The following TAFA2 variants were observed in gnomAD, a reference collection of about 807,000 sequenced individuals.
TAFA2 encodes the protein TAFA chemokine like family member 2.
TAFA2 carries 7 observed loss-of-function variants against 18.8 expected under a neutral mutation model. That is an observed-to-expected ratio of 0.37 (90% CI 0.21 to 0.70). The LOEUF (loss-of-function observed/expected upper bound fraction) is 0.70, where lower values mean the gene tolerates loss of function less well. TAFA2 is among the 30% of genes least tolerant of loss of function. The pLI is 0.53. For synonymous variants in TAFA2, 60 were observed against 54.2 expected (o/e 1.11, Z -0.47); for missense variants, 122 against 158.1 (o/e 0.77, Z 1.23).
chr12:61,944,404 C>T (rs1878174418), intron 1 of TAFA2, among the ~76,000 whole-genome samples: 1 of 137,762 alleles, frequency 7.3e-6, no homozygotes, highest in Admixed American at 7.2e-5. Context: ...ACTAGAAAAG[C>T]AAGAGCAAAC....
At chr12:62,079,024 C>T (rs1183756144) in intron 1 of TAFA2, among the ~76,000 whole-genome samples, 1 of 152,206 alleles carries the variant, frequency 6.6e-6, no homozygotes, top group Non-Finnish European at 1.5e-5. Context: ...AATTCTTTAG[C>T]TTCCAACTAC....
intron 1 of TAFA2, among the ~76,000 whole-genome samples, chr12:62,254,091 T>A (rs1380085656): frequency 6.6e-6 from 1 of 152,206 alleles, no homozygotes; most frequent in African/African-American, 2.4e-5. Flanking sequence ...GTTTCTTTGA[T>A]ATGGGTCACT....
At chr12:61,804,286 CATT>C (rs1374966353) in intron 2 of TAFA2, among the ~76,000 whole-genome samples, 1 of 151,950 alleles carries the variant, frequency 6.6e-6, no homozygotes. Context: ...CTGTTGTTAA[CATT>C]ATTATGTCTA....
chr12:62,190,894 T>G (rs2062618357), intron 1 of TAFA2, among the ~76,000 whole-genome samples: 1 of 152,128 alleles, frequency 6.6e-6, no homozygotes, highest in African/African-American at 2.4e-5. Flanking sequence ...CCAGCCAGGA[T>G]GGGTCTGGGT....
intron 2 of TAFA2, among the ~76,000 whole-genome samples, chr12:61,761,169 C>A (rs1191745116): frequency 6.6e-6 from 1 of 151,926 alleles, no homozygotes; most frequent in Non-Finnish European, 1.5e-5. Context: ...GCTATTATGA[C>A]TGGTATATTT....
At chr12:61,856,421 A>T (rs1159324656) in intron 2 of TAFA2, among the ~76,000 whole-genome samples, 1 of 152,062 alleles carries the variant, frequency 6.6e-6, no homozygotes, top group African/African-American at 2.4e-5. Context: ...CATCTTTAGT[A>T]ATAAAAAATC....
At chr12:62,143,706 A>T (rs2062256655) in intron 1 of TAFA2, among the ~76,000 whole-genome samples, 1 of 152,038 alleles carries the variant, frequency 6.6e-6, no homozygotes, top group Admixed American at 6.6e-5. Flanking sequence ...TCTCTTCTTG[A>T]TGTCATCTTT....
At chr12:62,161,945 A>G (rs1459353744) in intron 1 of TAFA2, among the ~76,000 whole-genome samples, 8 of 152,194 alleles carry the variant, frequency 5.3e-5, no homozygotes, top group Non-Finnish European at 1.0e-4. Flanking sequence ...AGCCTATGGT[A>G]AAATTGATTT....
chr12:61,821,566 G>A lies in TAFA2; in HGVS notation c.106+45754C>T, dbSNP rs926752621. Among the ~76,000 whole-genome samples, 11 of 152,130 alleles carry A rather than the reference G, an allele frequency of 7.2e-5. No homozygotes were observed. In the East Asian group the frequency reaches 1.5e-3, roughly 21 times the overall value. On this transcript the variant is annotated intron_variant, in intron 2 of 4. Coordinates refer to ENST00000416284, the MANE Select transcript of TAFA2 (RefSeq NM_178539.5). ...GACAGACAGACCCTTAGAAACAAGA[G>A]CTATTTCAGAGCTGTCCTAGGAAAC...
At chr12:62,134,062 A>C (rs1443638912) in intron 1 of TAFA2, among the ~76,000 whole-genome samples, 1 of 151,862 alleles carries the variant, frequency 6.6e-6, no homozygotes, top group East Asian at 1.9e-4. Context: ...GGCCTCTGCA[A>C]AGAATATTTC....
intron 4 of TAFA2, among the ~76,000 whole-genome samples, chr12:61,742,142 G>C (rs1868484571): frequency 6.6e-6 from 1 of 152,108 alleles, no homozygotes; most frequent in South Asian, 2.1e-4. Flanking sequence ...AGATCCGTCT[G>C]CTTCTGCCTC....
intron 2 of TAFA2, among the ~76,000 whole-genome samples, chr12:61,765,708 T>A (rs1345157701): frequency 2.6e-5 from 4 of 152,142 alleles, no homozygotes; most frequent in African/African-American, 9.6e-5. Flanking sequence ...TTAAACTTAG[T>A]GTTAGCTATA....
At position 62,181,994 on chromosome 12, in the gene TAFA2, C is replaced by CCCT. The variant is rs541761867; in HGVS notation, c.-2+9264_-2+9265insAGG. The stretch of plus-strand genomic sequence containing the variant: ...CTTCATCTTTTCTCAAGTCCATCCC[C>CCCT]CCCCCGCTACACATAGTAGCTACTC... On this transcript the variant is annotated intron_variant, in intron 1 of 4. Transcript: ENST00000416284. Among the ~76,000 whole-genome samples the CCCT allele has an allele frequency of 9.0e-4, 135 of 149,440 alleles. 4 individuals are homozygous for CCCT. The highest frequency in any genetic ancestry group is 2.5e-3 in the African/African-American group (102 of 40,552).
intron 1 of TAFA2, among the ~76,000 whole-genome samples, chr12:62,235,887 T>C (rs1027551141): frequency 3.9e-5 from 6 of 152,086 alleles, no homozygotes; most frequent in Admixed American, 2.6e-4. Context: ...CAGCCTATTA[T>C]AGATTTTTTG....
chr12:62,074,432 G>A (rs1009347202), intron 1 of TAFA2, among the ~76,000 whole-genome samples: 3 of 152,174 alleles, frequency 2.0e-5, no homozygotes, highest in Non-Finnish European at 4.4e-5. Flanking sequence ...AGAGTGACAT[G>A]TCTTATGAGC....
chr12:61,790,154 C>A (rs1207767340), intron 2 of TAFA2, among the ~76,000 whole-genome samples: 2 of 140,364 alleles, frequency 1.4e-5, no homozygotes, highest in African/African-American at 5.4e-5. Flanking sequence ...AAGTATTTAA[C>A]AAAATTCAAC....
intron 2 of TAFA2, among the ~76,000 whole-genome samples, chr12:61,814,480 A>C (rs1000350288): frequency 6.6e-6 from 1 of 151,208 alleles, no homozygotes; most frequent in Non-Finnish European, 1.5e-5. Context: ...TCAAGATCTG[A>C]TTCAGGTTTT....
At chr12:62,081,129 A>T (rs140247033) in intron 1 of TAFA2, among the ~76,000 whole-genome samples, 8,310 of 152,180 alleles carry the variant, frequency 0.055, 330 homozygotes, top group South Asian at 0.089. Flanking sequence ...CGGGAGGTGG[A>T]GCTTGCAGTG....
chr12:62,201,520 G>A (rs2062670804), intron 1 of TAFA2, among the ~76,000 whole-genome samples: 1 of 152,180 alleles, frequency 6.6e-6, no homozygotes, highest in African/African-American at 2.4e-5. Flanking sequence ...CTTTAATTCT[G>A]TTTATGTGAT....
Sources: gnomAD v4.1 joint callset for allele counts (sites outside exome capture counted in the v4.1 genomes callset) on GRCh38, gnomAD v4.1.1 for gene constraint, MANE v1.5 for transcripts, NCBI Gene and HGNC (gene_info 2026-07-23, HGNC 2026-07-21) for gene names.